Variants in CIB4 observed in about 807,000 individuals in gnomAD.
CIB4 encodes calcium and integrin binding family member 4.
In CIB4, 25 loss-of-function variants were observed where a neutral mutation model predicts 25.8. The ratio of observed to expected loss-of-function variants is 0.97; its 90% CI spans 0.71 to 1.35. The LOEUF is 1.35. Ranked by LOEUF, CIB4 falls within the 40% of genes most tolerant of loss-of-function variation. CIB4 has a pLI of 0.00. For synonymous variants in CIB4, 75 were observed against 81.4 expected (o/e 0.92, Z 0.42); for missense variants, 235 against 228.2 (o/e 1.03, Z -0.19).
At chr2:26,583,940 G>C (rs989426846) in intron 4 of CIB4, 42 bp from the exon 5 acceptor site, 2 of 1,313,912 alleles carry the variant, frequency 1.5e-6, no homozygotes, top group Non-Finnish European at 1.1e-6. Flanking sequence ...GGAGCTGGGG[G>C]CTAAACAGGA....
chr2:26,595,515 T>C (rs988390830), intron 3 of CIB4, among the ~76,000 whole-genome samples, 198 bp from the exon 4 acceptor site: 4 of 152,216 alleles, frequency 2.6e-5, no homozygotes, highest in Non-Finnish European at 4.4e-5. Flanking sequence ...AATCTTGCAG[T>C]TGGATATGTG....
intron 5 of CIB4, 96 bp from the exon 6 acceptor site, chr2:26,583,009 C>T: frequency 1.3e-6 from 1 of 755,314 alleles, no homozygotes; most frequent in Non-Finnish European, 2.3e-6. Context: ...GCCAGGGGCT[C>T]TCCCACATGC....
At chr2:26,602,724 T>C (rs1668815341) in intron 3 of CIB4, among the ~76,000 whole-genome samples, 1 of 152,150 alleles carries the variant, frequency 6.6e-6, no homozygotes, top group Non-Finnish European at 1.5e-5. Flanking sequence ...TCACCAGTAA[T>C]AGGTCATGTT....
At chr2:26,581,933 C>T (rs909739741) in intron 6 of CIB4, among the ~76,000 whole-genome samples, 1 of 152,174 alleles carries the variant, frequency 6.6e-6, no homozygotes. Context: ...GAAAGTCACT[C>T]AAGACCAAGG....
chr2:26,632,304 G>A (rs1011807674), intron 2 of CIB4, among the ~76,000 whole-genome samples: 3 of 152,230 alleles, frequency 2.0e-5, no homozygotes, highest in South Asian at 2.1e-4. Context: ...TGTCACTAGG[G>A]TCTAGAGACT....
chr2:26,587,641 T>C (rs1668483176), intron 4 of CIB4, among the ~76,000 whole-genome samples: 1 of 152,228 alleles, frequency 6.6e-6, no homozygotes, highest in Non-Finnish European at 1.5e-5. Context: ...TTATATCTAA[T>C]AAGCATCTTC....
At chr2:26,585,945 A>G (rs908390686) in intron 4 of CIB4, among the ~76,000 whole-genome samples, 10 of 151,954 alleles carry the variant, frequency 6.6e-5, no homozygotes, top group African/African-American at 2.4e-4. Flanking sequence ...GGACTCTTCC[A>G]GCCACTCAGG....
intron 4 of CIB4, among the ~76,000 whole-genome samples, chr2:26,586,224 C>T (rs1055861795): frequency 3.3e-5 from 5 of 152,158 alleles, no homozygotes; most frequent in African/African-American, 7.2e-5. Flanking sequence ...TCACCCAGAG[C>T]GGAGCCCAAG....
intron 3 of CIB4, among the ~76,000 whole-genome samples, chr2:26,613,328 G>A (rs1306080901): frequency 6.6e-6 from 1 of 152,134 alleles, no homozygotes; most frequent in African/African-American, 2.4e-5. Flanking sequence ...CCACCCACCA[G>A]CAAGGATGTA....
At chr2:26,601,956 T>C (rs1668800204) in intron 3 of CIB4, among the ~76,000 whole-genome samples, 1 of 152,154 alleles carries the variant, frequency 6.6e-6, no homozygotes, top group Non-Finnish European at 1.5e-5. Context: ...GGAAAACAGA[T>C]CATAGCTGTC....
chr2:26,589,017 CTT>C (rs1572540037), intron 4 of CIB4, among the ~76,000 whole-genome samples: 1 of 25,306 alleles, frequency 4.0e-5, no homozygotes, highest in East Asian at 1.1e-3. Flanking sequence ...TCTTCTTCTT[CTT>C]CTTCTTCTTC....
At chr2:26,605,633 T>A in intron 3 of CIB4, 1 of 458,918 alleles carries the variant, frequency 2.2e-6, no homozygotes, top group Non-Finnish European at 4.5e-6. Flanking sequence ...TACCAGAAGG[T>A]GGCAGTGTTG....
intron 3 of CIB4, among the ~76,000 whole-genome samples, chr2:26,598,629 G>A (rs7608589): frequency 0.019 from 2,876 of 152,302 alleles, 97 homozygotes; most frequent in African/African-American, 0.066. Flanking sequence ...TGGGGACCCA[G>A]GAGTGGCTAG....
intron 4 of CIB4, among the ~76,000 whole-genome samples, chr2:26,593,454 C>T (rs1354974175): frequency 1.3e-4 from 20 of 148,310 alleles, no homozygotes; most frequent in African/African-American, 5.0e-4. Context: ...CCCACACATA[C>T]ACTCACATAC....
At chr2:26,583,042 C>T (rs1313768061) in intron 5 of CIB4, 129 bp from the exon 6 acceptor site, 5 of 622,226 alleles carry the variant, frequency 8.0e-6, no homozygotes, top group African/African-American at 3.6e-5. Context: ...TCCTGGGTCC[C>T]CTGACCCCAG....
chr2:26,633,065 G>A (rs994717066), intron 2 of CIB4, among the ~76,000 whole-genome samples: 1 of 152,106 alleles, frequency 6.6e-6, no homozygotes, highest in Middle Eastern at 3.2e-3. Flanking sequence ...TGCAAGGAAG[G>A]GACCATTGTT....
At chr2:26,618,807 C>T (rs374406543) in intron 3 of CIB4, among the ~76,000 whole-genome samples, 19 of 152,120 alleles carry the variant, frequency 1.2e-4, no homozygotes, top group South Asian at 1.2e-3. Context: ...CTTGCATGGC[C>T]GCCCAGGAAG....
chr2:26,629,106 C>T (rs990748969), intron 3 of CIB4, among the ~76,000 whole-genome samples: 9 of 152,308 alleles, frequency 5.9e-5, no homozygotes, highest in East Asian at 1.9e-4. Flanking sequence ...CCACCTCCCA[C>T]GGTAAGGCCT....
chr2:26,583,891 A>G lies in CIB4; in HGVS notation c.336T>C (p.Asn112=). The G allele has an allele frequency of 6.2e-7, 1 of 1,606,848 alleles. No homozygotes were observed. The highest frequency in any genetic ancestry group is 8.5e-7 in the Non-Finnish European group (1 of 1,173,582). The change falls in exon 5 of 7, where the codon AAT becomes AAC. Residue 112 remains asparagine (N), a synonymous_variant. Coordinates refer to ENST00000288861, the MANE Select transcript of CIB4 (RefSeq NM_001029881.3). ...IEYAFRIYDF[N]ENGFIDEEDL... is the part of the protein sequence containing the mutation. ...CCTCCTCATCAATGAAGCCATTCTC[A>G]TTAAAATCTGCAAAGAAGAGGCCAG...
Sources: gnomAD v4.1 joint callset for allele counts (sites outside exome capture counted in the v4.1 genomes callset) on GRCh38, gnomAD v4.1.1 for gene constraint, MANE v1.5 for transcripts, NCBI Gene and HGNC (gene_info 2026-07-23, HGNC 2026-07-21) for gene names.